Variants in ZCWPW1 observed in about 807,000 individuals in gnomAD.
The protein encoded by ZCWPW1 is zinc finger CW-type PWWP domain protein 1.
A neutral mutation model predicts 81.3 loss-of-function variants in ZCWPW1; 56 were observed. The observed-to-expected ratio is 0.69, with a 90% CI of 0.56 to 0.86. ZCWPW1 has a LOEUF of 0.86. Ranked by LOEUF, ZCWPW1 falls within the 40% of genes least tolerant of loss-of-function variation. The pLI, the probability that ZCWPW1 is intolerant of heterozygous loss-of-function variation, is 0.00. For missense variants in ZCWPW1, 650 were observed against 769.8 expected (o/e 0.84, Z 1.84); for synonymous variants, 250 against 273.7 (o/e 0.91, Z 0.86).
chr7:100,409,253 C>A (rs188849156), intron 9 of ZCWPW1, among the ~76,000 whole-genome samples, 175 bp downstream of exon 9: 905 of 152,292 alleles, frequency 5.9e-3, no homozygotes, highest in Non-Finnish European at 8.4e-3. Context: ...CTTCCTCCAG[C>A]CTTTTCTGCC....
chr7:100,419,498 C>A, intron 4 of ZCWPW1, 132 bp downstream of exon 4: 1 of 1,452,464 alleles, frequency 6.9e-7, no homozygotes, highest in Non-Finnish European at 9.1e-7. Flanking sequence ...AAAAGGAAGC[C>A]CTCAAAAAGG....
chr7:100,422,944 G>A (rs1168059422), intron 2 of ZCWPW1, among the ~76,000 whole-genome samples: 1 of 152,166 alleles, frequency 6.6e-6, no homozygotes, highest in Non-Finnish European at 1.5e-5. Flanking sequence ...AGTATTCTGT[G>A]TCCACCCAGC....
rs774953174 is a variant in ZCWPW1 at position 100,408,652 on chromosome 7, C to T, written c.879G>A (p.Gln293=). The change falls in exon 10 of 18, where the codon CAG becomes CAA. Residue 293 remains glutamine, a synonymous_variant. Coordinates refer to ENST00000684423, the MANE Select transcript of ZCWPW1 (RefSeq NM_001386010.1). ...CCTCAGGAATATCACAGCGATTATA[C>T]TGCACATCTGCTGAAAGAGAGAAGG... is the stretch of plus-strand genomic sequence containing the variant. ...NWSCDQNTDV[Q]YNRCDIPEET... The T allele has an allele frequency of 1.2e-6, 2 of 1,612,938 alleles. No individual in the cohort carries two copies. The highest frequency in any genetic ancestry group is 1.7e-6 in the Non-Finnish European group (2 of 1,179,532).
rs551361454 is a variant in ZCWPW1, at chr7:100,427,158, CCTCT to C, written c.-137+1406_-137+1409del. On this transcript the variant is annotated intron_variant, in intron 1 of 17. Transcript: ENST00000684423. ...CCCTCCCTCCTCCCTTTCCTCCCTC[CCTCT>C]CTCTCTTCTCCTTCCCTCCCTCCTT... Among the ~76,000 whole-genome samples the C allele has an allele frequency of 2.4e-4, 5 of 21,054 alleles. No individual in the cohort carries two copies. In the East Asian group the frequency reaches 3.5e-3, roughly 15 times the overall value. The allele number at this position is 21,054 out of a possible 152,430, so 13.8% of individuals were successfully genotyped here. A position where few individuals can be genotyped will look rare whatever the true frequency, so the allele number is the denominator to read the frequency against.
rs1795966430 is a variant in ZCWPW1, at chr7:100,419,497, C to A, written c.282+133G>T. Reference sequence around the variant, plus strand: ...CCTCTTTGAGAAAAAAAAAAGGAAGCCCTCAAAAAGGAATACAAACCTGAA... The same window carrying A: ...CCTCTTTGAGAAAAAAAAAAGGAAGACCTCAAAAAGGAATACAAACCTGAA... On this transcript the variant is annotated intron_variant, in intron 4 of 17. Coordinates refer to ENST00000684423, the MANE Select transcript of ZCWPW1 (RefSeq NM_001386010.1). 2.0e-5 allele frequency: 29 copies of A among 1,442,940 alleles called. 1 individual carries two copies. In the South Asian group the frequency reaches 4.2e-4, roughly 21 times the overall value. 89.4% of individuals were successfully genotyped at this position (1,442,940 alleles called of 1,614,324 possible). A position where few individuals can be genotyped will look rare whatever the true frequency, so the allele number is the denominator to read the frequency against.
At chr7:100,423,570 A>G (rs746277919) in intron 2 of ZCWPW1, among the ~76,000 whole-genome samples, 17 of 152,108 alleles carry the variant, frequency 1.1e-4, no homozygotes, top group Non-Finnish European at 2.5e-4. Flanking sequence ...CACTTCTATA[A>G]ATGTGAATAA....
At chr7:100,416,747 A>T (rs531037659) in intron 6 of ZCWPW1, among the ~76,000 whole-genome samples, 1 of 152,244 alleles carries the variant, frequency 6.6e-6, no homozygotes, top group African/African-American at 2.4e-5. Context: ...GGAGTTCGAG[A>T]CCAACCTGGC....
intron 1 of ZCWPW1, among the ~76,000 whole-genome samples, chr7:100,428,002 T>A (rs1798039738): frequency 6.6e-6 from 1 of 151,392 alleles, no homozygotes; most frequent in South Asian, 2.1e-4. Flanking sequence ...GAGACTGGGC[T>A]ATTTTTTTTT....
chr7:100,425,959 C>A (rs1204647264), intron 1 of ZCWPW1, among the ~76,000 whole-genome samples: 1 of 152,118 alleles, frequency 6.6e-6, no homozygotes, highest in Non-Finnish European at 1.5e-5. Context: ...GGTTCTCAAA[C>A]CAAAAAGTTT....
intron 8 of ZCWPW1, among the ~76,000 whole-genome samples, chr7:100,414,571 C>T (rs1044951647): frequency 1.3e-5 from 2 of 152,062 alleles, no homozygotes; most frequent in Admixed American, 1.3e-4. Flanking sequence ...ACTACCACTA[C>T]ATCCAGCTAA....
intron 12 of ZCWPW1, among the ~76,000 whole-genome samples, chr7:100,406,422 T>C (rs940553752): frequency 6.6e-6 from 1 of 152,112 alleles, no homozygotes; most frequent in African/African-American, 2.4e-5. Flanking sequence ...TGTGCCCTCA[T>C]TTCTGCCACA....
At chr7:100,423,114 C>G (rs990307709) in intron 2 of ZCWPW1, among the ~76,000 whole-genome samples, 1 of 152,204 alleles carries the variant, frequency 6.6e-6, no homozygotes, top group Middle Eastern at 3.4e-3. Flanking sequence ...GCCCCAACTC[C>G]CCTTTCTACA....
chr7:100,407,161 T>C, intron 11 of ZCWPW1, 67 bp downstream of exon 11: 1 of 1,442,968 alleles, frequency 6.9e-7, no homozygotes, highest in South Asian at 1.2e-5. Flanking sequence ...TATCTGTACG[T>C]CTGTGAGGAT....
At chr7:100,426,478 G>A (rs910993205) in intron 1 of ZCWPW1, among the ~76,000 whole-genome samples, 2 of 140,256 alleles carry the variant, frequency 1.4e-5, no homozygotes, top group Admixed American at 1.4e-4. Context: ...GGCAAAATGA[G>A]TGAGACTCTG....
chr7:100,402,748 C>A (rs1252577239), intron 15 of ZCWPW1, among the ~76,000 whole-genome samples, 172 bp from the exon 16 acceptor site: 4 of 152,032 alleles, frequency 2.6e-5, no homozygotes, highest in Non-Finnish European at 5.9e-5. Flanking sequence ...TGGTCACTTT[C>A]CCAGTCTGTT....
rs1441440545 is a variant in ZCWPW1, at chr7:100,401,347, AG to A, written c.1628-12del. On this transcript the variant is annotated splice_polypyrimidine_tract_variant and intron_variant, in intron 17 of 17. Transcript: ENST00000684423. ...ATTTTTTCTTAGGGCCTAAATGAGA[AG>A]GTGACAAAGCCAAGAGTCCTATTAG... The A allele has an allele frequency of 9.8e-6, 15 of 1,526,454 alleles. No homozygotes were observed. The East Asian group carries it at 3.4e-4, about 35-fold the overall frequency. 94.6% of individuals were successfully genotyped at this position (1,526,454 alleles called of 1,614,324 possible). A position where few individuals can be genotyped will look rare whatever the true frequency, so the allele number is the denominator to read the frequency against.
intron 8 of ZCWPW1, among the ~76,000 whole-genome samples, chr7:100,410,920 T>C (rs1347900545): frequency 6.6e-6 from 1 of 152,240 alleles, no homozygotes; most frequent in African/African-American, 2.4e-5. Flanking sequence ...TTGGATTCTC[T>C]TGTAGACACC....
intron 8 of ZCWPW1, among the ~76,000 whole-genome samples, chr7:100,409,957 C>T (rs902707378): frequency 3.9e-5 from 6 of 152,306 alleles, no homozygotes; most frequent in Admixed American, 3.9e-4. Flanking sequence ...ACCTGCATCT[C>T]TTTTGTGCAC....
At chr7:100,421,705 T>C (rs1050059695) in intron 2 of ZCWPW1, among the ~76,000 whole-genome samples, 15 of 152,212 alleles carry the variant, frequency 9.9e-5, no homozygotes, top group African/African-American at 3.6e-4. Flanking sequence ...GTTTCTTTTT[T>C]TTTTGAGATG....
Sources: allele counts gnomAD v4.1 joint callset (sites outside exome capture counted in the v4.1 genomes callset), GRCh38; gene constraint gnomAD v4.1.1; transcripts MANE v1.5; gene names NCBI Gene and HGNC (gene_info 2026-07-23, HGNC 2026-07-21).